Variants in CLIP1 observed in about 807,000 individuals in gnomAD.
CLIP1 encodes CAP-Gly domain-containing linker protein 1.
In CLIP1, 66 loss-of-function variants were observed where a neutral mutation model predicts 161.6. The ratio of observed to expected loss-of-function variants is 0.41; its 90% CI spans 0.33 to 0.50. CLIP1 has a LOEUF of 0.50. Ranked by LOEUF, CLIP1 falls within the 20% of genes least tolerant of loss-of-function variation. The pLI, the probability that CLIP1 is intolerant of heterozygous loss-of-function variation, is 0.27. For synonymous variants in CLIP1, 598 were observed against 626.2 expected (o/e 0.96, Z 0.67); for missense variants, 1,376 against 1,702.0 (o/e 0.81, Z 3.37).
intron 17 of CLIP1, among the ~76,000 whole-genome samples, chr12:122,319,680 C>T (rs527253665): frequency 2.0e-5 from 3 of 152,306 alleles, no homozygotes; most frequent in South Asian, 2.1e-4. Context: ...AGAGACCGTT[C>T]GGAGGTAACA....
intron 1 of CLIP1, among the ~76,000 whole-genome samples, chr12:122,402,601 C>T (rs1489379324): frequency 1.3e-5 from 2 of 152,176 alleles, no homozygotes; most frequent in Non-Finnish European, 2.9e-5. Flanking sequence ...CATGGTGAAA[C>T]CCCATCTCTA....
intron 8 of CLIP1, among the ~76,000 whole-genome samples, chr12:122,352,236 T>C (rs1409153497): frequency 6.6e-6 from 1 of 152,082 alleles, no homozygotes; most frequent in East Asian, 1.9e-4. Context: ...TTTGTATTTT[T>C]AGTAGAGACG....
intron 20 of CLIP1, among the ~76,000 whole-genome samples, chr12:122,302,634 G>A (rs1246463693): frequency 6.6e-6 from 1 of 152,044 alleles, no homozygotes; most frequent in Middle Eastern, 3.4e-3. Flanking sequence ...ATCTTGCTCT[G>A]TCCCCCAGGC....
Position 122,328,086 on chromosome 12 carries a change from T to G in CLIP1, c.3110A>C (p.Lys1037Thr). The G allele has an allele frequency of 1.2e-6, 2 of 1,614,172 alleles. No homozygotes were observed. Among genetic ancestry groups the G allele is most frequent in the Non-Finnish European group, 1.7e-6 (2 of 1,180,040 alleles). The change falls in exon 17 of 26, where the codon AAA becomes ACA. Residue 1037 changes from lysine (K) to threonine (T), a missense_variant. Coordinates refer to ENST00000620786, the MANE Select transcript of CLIP1 (RefSeq NM_001247997.2). ...ARYERATSET[K>T]TKHEEILQNL... ...CTGTAGGATTTCTTCATGCTTGGTT[T>G]TTGTCTCAGAAGTGGCTCTCTCATA...
chr12:122,362,688 AAT>A (rs1207874393), intron 4 of CLIP1, among the ~76,000 whole-genome samples: 1 of 122,498 alleles, frequency 8.2e-6, no homozygotes, highest in African/African-American at 3.1e-5. Flanking sequence ...GAAAATTTTT[AAT>A]ATCTGTTTCA....
Position 122,349,721 on chromosome 12 carries a change from C to G in CLIP1, c.1401+1390G>C, listed in dbSNP as rs1952927741. ...AGGGGATTGAGAAGGAAAGCAAAGG[C>G]TTTGCGAGAAGCGCACAGGAAAGGC... On this transcript the variant is annotated intron_variant, in intron 9 of 25. Transcript: ENST00000620786. Among the ~76,000 whole-genome samples the G allele has an allele frequency of 2.6e-5, 4 of 152,216 alleles. No individual in the cohort carries two copies. The South Asian group carries it at 8.3e-4, about 32-fold the overall frequency.
intron 3 of CLIP1, among the ~76,000 whole-genome samples, chr12:122,372,213 G>C (rs1446416818): frequency 2.6e-5 from 4 of 151,988 alleles, no homozygotes; most frequent in Admixed American, 2.6e-4. Context: ...CTGAGGTCAG[G>C]AGTTCAAGAC....
chr12:122,319,153 C>T, intron 18 of CLIP1, 79 bp downstream of exon 18: 1 of 951,086 alleles, frequency 1.1e-6, no homozygotes, highest in Admixed American at 1.8e-5. Context: ...AAAACATAAG[C>T]AATCCTGAGT....
intron 18 of CLIP1, among the ~76,000 whole-genome samples, chr12:122,318,675 G>T (rs1951361944): frequency 6.6e-6 from 1 of 152,196 alleles, no homozygotes; most frequent in Non-Finnish European, 1.5e-5. Flanking sequence ...GAAAGGGTTG[G>T]TATGAGCTAG....
At chr12:122,397,964 CA>C (rs113444750) in intron 1 of CLIP1, among the ~76,000 whole-genome samples, 11 of 145,526 alleles carry the variant, frequency 7.6e-5, no homozygotes, top group African/African-American at 1.5e-4. Context: ...CAAAAAAAAA[CA>C]AAAAAAAAAG....
chr12:122,315,273 C>T (rs1015556238), intron 19 of CLIP1, among the ~76,000 whole-genome samples: 1 of 152,102 alleles, frequency 6.6e-6, no homozygotes, highest in Non-Finnish European at 1.5e-5. Flanking sequence ...GGGCAGGGAC[C>T]GTATATACTC....
chr12:122,276,828 G>A, intron 24 of CLIP1: 1 of 191,370 alleles, frequency 5.2e-6, no homozygotes, highest in South Asian at 8.4e-5. Context: ...TTTTGAGACA[G>A]GGCCTTGCTC....
At chr12:122,316,718 C>T (rs1363072242) in intron 19 of CLIP1, 31 bp downstream of exon 19, 2 of 1,247,470 alleles carry the variant, frequency 1.6e-6, no homozygotes, top group Non-Finnish European at 2.3e-6. Context: ...AAATAAATTC[C>T]ATATTTTTTT....
At chr12:122,309,992 G>A in intron 19 of CLIP1, 110 bp from the exon 20 acceptor site, 1 of 1,212,292 alleles carries the variant, frequency 8.2e-7, no homozygotes, top group Non-Finnish European at 1.2e-6. Context: ...TCACGTGCCT[G>A]ATAGGATCTA....
intron 7 of CLIP1, 48 bp from the exon 8 acceptor site, chr12:122,352,834 C>A (rs181650831): frequency 6.7e-7 from 1 of 1,485,252 alleles, no homozygotes; most frequent in Admixed American, 1.7e-5. Context: ...AAGTAACACA[C>A]AGCCTTTAAA....
chr12:122,334,814 G>C, intron 12 of CLIP1, 109 bp from the exon 13 acceptor site: 1 of 726,460 alleles, frequency 1.4e-6, no homozygotes, highest in Non-Finnish European at 2.4e-6. Context: ...TGCTGGTCTT[G>C]TTTTATTAAA....
intron 4 of CLIP1, 141 bp from the exon 5 acceptor site, chr12:122,361,322 C>T (rs558143269): frequency 1.3e-4 from 89 of 669,180 alleles, no homozygotes; most frequent in African/African-American, 1.1e-3. Flanking sequence ...CACACCAGCA[C>T]GTAGCAGTCA....
intron 20 of CLIP1, among the ~76,000 whole-genome samples, chr12:122,291,112 C>G (rs1950231751): frequency 1.3e-5 from 2 of 151,770 alleles, no homozygotes; most frequent in Admixed American, 6.6e-5. Context: ...AGGCTGGTCT[C>G]AAACTCCTGA....
intron 19 of CLIP1, among the ~76,000 whole-genome samples, chr12:122,314,885 T>C (rs749062017): frequency 2.0e-4 from 31 of 152,256 alleles, no homozygotes; most frequent in Admixed American, 3.9e-4. Context: ...TCACTTGATG[T>C]TGGCAGGCCA....
Sources: allele counts gnomAD v4.1 joint callset (sites outside exome capture counted in the v4.1 genomes callset), GRCh38; gene constraint gnomAD v4.1.1; transcripts MANE v1.5; gene names NCBI Gene and HGNC (gene_info 2026-07-23, HGNC 2026-07-21).